COG6: variants seen among roughly 807,000 people sequenced by gnomAD.
COG6 encodes component of oligomeric golgi complex 6, also known as conserved oligomeric Golgi complex subunit 6.
A neutral mutation model predicts 88.8 loss-of-function variants in COG6; 74 were observed. The ratio of observed to expected loss-of-function variants is 0.83; its 90% CI spans 0.69 to 1.01. The LOEUF (loss-of-function observed/expected upper bound fraction) is 1.01. COG6 is among the 50% of genes least tolerant of loss of function. The pLI is 0.00. For synonymous variants in COG6, 286 were observed against 278.7 expected (o/e 1.03, Z -0.26); for missense variants, 800 against 797.9 (o/e 1.00, Z -0.03).
At chr13:39,714,512 CAT>C (rs1402370042) in intron 13 of COG6, among the ~76,000 whole-genome samples, 2 of 151,722 alleles carry the variant, frequency 1.3e-5, no homozygotes, top group East Asian at 1.9e-4. Context: ...GGCTAACAAA[CAT>C]ATGAAAAATG....
chr13:39,750,823 AT>A (rs1880581639), intron 18 of COG6, 122 bp from the exon 19 acceptor site: 2 of 717,578 alleles, frequency 2.8e-6, no homozygotes, highest in Non-Finnish European at 4.9e-6. Context: ...TGATTATTAA[AT>A]AGTGTATGTG....
intron 4 of COG6, 108 bp downstream of exon 4, chr13:39,665,262 G>T: frequency 2.9e-6 from 2 of 694,338 alleles, no homozygotes; most frequent in Non-Finnish European, 2.6e-6. Context: ...AAAAAACATG[G>T]TTCATAAGGT....
chr13:39,691,584 C>A (rs1010257499), intron 11 of COG6, among the ~76,000 whole-genome samples: 4 of 151,908 alleles, frequency 2.6e-5, no homozygotes, highest in African/African-American at 9.7e-5. Context: ...ACAATAGTTA[C>A]GTATCAAATT....
chr13:39,656,104 T>A (rs189851673), intron 1 of COG6: 51 of 682,460 alleles, frequency 7.5e-5, no homozygotes, highest in Non-Finnish European at 1.2e-4. Context: ...GGGTGTTCTC[T>A]CCACCTGAAA....
At chr13:39,726,586 T>A (rs1346889176) in intron 17 of COG6, among the ~76,000 whole-genome samples, 1 of 152,028 alleles carries the variant, frequency 6.6e-6, no homozygotes, top group Non-Finnish European at 1.5e-5. Context: ...GTATCTATTA[T>A]TGCAATCTTC....
intron 4 of COG6, among the ~76,000 whole-genome samples, chr13:39,668,352 A>C (rs1875398231): frequency 1.3e-5 from 2 of 152,192 alleles, no homozygotes; most frequent in African/African-American, 4.8e-5. Context: ...ACAAAATATT[A>C]CTTATATTTT....
chr13:39,700,527 A>G (rs1324181318), intron 13 of COG6, among the ~76,000 whole-genome samples: 1 of 151,872 alleles, frequency 6.6e-6, no homozygotes, highest in African/African-American at 2.4e-5. Flanking sequence ...TTGCATCAAC[A>G]GTTTACTAAC....
intron 18 of COG6, among the ~76,000 whole-genome samples, chr13:39,775,441 A>G (rs1020307136): frequency 1.3e-5 from 2 of 152,226 alleles, no homozygotes; most frequent in African/African-American, 2.4e-5. Context: ...CCCACTTGGT[A>G]TAATGGGAAA....
intron 18 of COG6, among the ~76,000 whole-genome samples, chr13:39,728,410 C>G (rs1167413980): frequency 1.3e-5 from 2 of 151,046 alleles, no homozygotes; most frequent in Non-Finnish European, 2.9e-5. Context: ...AAAGAAGCAG[C>G]TTTTTAACTC....
intron 13 of COG6, 110 bp downstream of exon 13, chr13:39,699,728 T>C: frequency 1.5e-6 from 1 of 676,814 alleles, no homozygotes; most frequent in South Asian, 1.7e-5. Context: ...TGTGTTCTTT[T>C]GAGTTCTTCC....
chr13:39,720,188 T>A (rs1169183749), intron 15 of COG6, among the ~76,000 whole-genome samples: 1 of 152,144 alleles, frequency 6.6e-6, no homozygotes. Flanking sequence ...AATAATATGC[T>A]ATATTTTTCA....
At chr13:39,773,945 G>A (rs1436776081) in intron 18 of COG6, among the ~76,000 whole-genome samples, 1 of 150,454 alleles carries the variant, frequency 6.6e-6, no homozygotes, top group East Asian at 2.0e-4. Flanking sequence ...ACAAGGGAAT[G>A]TGAAGGTTGG....
intron 18 of COG6, among the ~76,000 whole-genome samples, chr13:39,759,176 C>T (rs1029495673): frequency 6.6e-6 from 1 of 152,110 alleles, no homozygotes; most frequent in Non-Finnish European, 1.5e-5. Context: ...ATACTAAAAG[C>T]CACTGGATTG....
At chr13:39,737,231 C>T (rs191247153) in intron 18 of COG6, among the ~76,000 whole-genome samples, 83 of 152,226 alleles carry the variant, frequency 5.5e-4, no homozygotes, top group Admixed American at 1.2e-3. Context: ...CATGCCTCTT[C>T]GTGGCACCAC....
intron 4 of COG6, among the ~76,000 whole-genome samples, chr13:39,669,029 CA>C (rs1555274522): frequency 4.2e-4 from 61 of 144,524 alleles, no homozygotes; most frequent in Admixed American, 7.1e-4. Context: ...ATATAGTACA[CA>C]GTTCCATCAC....
rs148784201 is a variant in COG6, at chr13:39,779,790, T to A, written c.1827-8545T>A. The stretch of plus-strand genomic sequence containing the variant: ...CAGGAAGGGGACCCAGGGCCAGAAA[T>A]CACTTCAGCATCATTCACCTCAATT... On this transcript the variant is annotated intron_variant, in intron 18 of 18. Transcript: ENST00000416691. 2.7e-3 allele frequency among the ~76,000 whole-genome samples: 410 copies of A among 152,272 alleles called. 1 individual carries two copies. Among genetic ancestry groups the A allele is most frequent in the Middle Eastern group, 0.01 (3 of 294 alleles).
intron 16 of COG6, among the ~76,000 whole-genome samples, chr13:39,724,094 A>G (rs1453143859): frequency 6.6e-6 from 1 of 152,076 alleles, no homozygotes; most frequent in Non-Finnish European, 1.5e-5. Flanking sequence ...CTCTTAAAAC[A>G]CAACTTTTCA....
chr13:39,757,663 T>C (rs1207518189), intron 18 of COG6, among the ~76,000 whole-genome samples: 1 of 151,400 alleles, frequency 6.6e-6, no homozygotes, highest in Non-Finnish European at 1.5e-5. Context: ...AATAATTATA[T>C]GCAAACCAGT....
At chr13:39,730,044 A>T (rs1448375291) in intron 18 of COG6, among the ~76,000 whole-genome samples, 1 of 151,950 alleles carries the variant, frequency 6.6e-6, no homozygotes, top group Non-Finnish European at 1.5e-5. Flanking sequence ...TTTCTCCTTT[A>T]CTTTTATTGT....
Sources: gnomAD v4.1 joint callset for allele counts (sites outside exome capture counted in the v4.1 genomes callset) on GRCh38, gnomAD v4.1.1 for gene constraint, MANE v1.5 for transcripts, NCBI Gene and HGNC (gene_info 2026-07-23, HGNC 2026-07-21) for gene names.